STXBP5L: variants seen among roughly 807,000 people sequenced by gnomAD.
STXBP5L encodes the protein syntaxin binding protein 5L, also known as syntaxin-binding protein 5-like.
In STXBP5L, 65 loss-of-function variants were observed where a neutral mutation model predicts 144.5. The ratio of observed to expected loss-of-function variants is 0.45; its 90% CI spans 0.37 to 0.55. STXBP5L has a LOEUF of 0.55. STXBP5L is among the 20% of genes least tolerant of loss of function. The pLI is 0.00. For synonymous variants in STXBP5L, 505 were observed against 469.6 expected (o/e 1.08, Z -0.97); for missense variants, 1,298 against 1,405.5 (o/e 0.92, Z 1.22).
At position 120,909,719 on chromosome 3, in the gene STXBP5L, A is replaced by G; in HGVS notation, c.141A>G (p.Arg47=). ...VHPAGTAGVL[R]EEIQETLTSE... is the part of the protein sequence containing the mutation. ...CGGCGGGGACTGCAGGGGTTCTCAG[A>G]GAGGAAATTCAGGAAACTTTGACTT... Residue 47 remains arginine (R), a synonymous_variant, in exon 2 of 27, where the codon AGA becomes AGG. Coordinates refer to ENST00000471454, the MANE Select transcript of STXBP5L (RefSeq NM_001308330.2). The G allele has an allele frequency of 1.9e-6, 3 of 1,611,996 alleles. No homozygotes were observed. The East Asian group carries it at 6.7e-5, about 36-fold the overall frequency.
intron 3 of STXBP5L, 75 bp from the exon 4 acceptor site, chr3:121,041,625 C>A: frequency 1.8e-6 from 2 of 1,091,868 alleles, no homozygotes; most frequent in South Asian, 1.3e-5. Context: ...ATCTGTTGAT[C>A]AATAAGTTAG....
chr3:121,042,327 C>T (rs1947217038), intron 4 of STXBP5L, among the ~76,000 whole-genome samples: 2 of 152,134 alleles, frequency 1.3e-5, no homozygotes, highest in Non-Finnish European at 2.9e-5. Context: ...TGATGAGGAA[C>T]TCTCTAAAAA....
At chr3:121,129,644 G>A (rs954870525) in intron 7 of STXBP5L, among the ~76,000 whole-genome samples, 5 of 152,072 alleles carry the variant, frequency 3.3e-5, no homozygotes, top group Non-Finnish European at 5.9e-5. Context: ...AAGGACTGCA[G>A]TGTAAATTCA....
At chr3:121,335,946 G>T (rs758899506) in intron 20 of STXBP5L, among the ~76,000 whole-genome samples, 1 of 152,152 alleles carries the variant, frequency 6.6e-6, no homozygotes, top group Non-Finnish European at 1.5e-5. Context: ...AAGAGCTTCT[G>T]CACAGCAAAA....
At chr3:121,018,671 G>A (rs1576676062) in intron 3 of STXBP5L, among the ~76,000 whole-genome samples, 1 of 152,072 alleles carries the variant, frequency 6.6e-6, no homozygotes, top group African/African-American at 2.4e-5. Context: ...TGTGGCTTTT[G>A]TAATAGCTTT....
intron 18 of STXBP5L, among the ~76,000 whole-genome samples, chr3:121,277,613 T>C (rs866965185): frequency 2.6e-5 from 4 of 152,026 alleles, no homozygotes; most frequent in Admixed American, 6.6e-5. Context: ...TTTCTGGATA[T>C]GTTTCTATTG....
At chr3:121,413,629 G>A (rs556621447) in intron 24 of STXBP5L, among the ~76,000 whole-genome samples, 2 of 152,212 alleles carry the variant, frequency 1.3e-5, no homozygotes, top group South Asian at 4.1e-4. Context: ...CCCTCAGGGT[G>A]GAAAATATGT....
chr3:121,084,975 C>A (rs1560107726), intron 5 of STXBP5L, among the ~76,000 whole-genome samples: 2 of 150,952 alleles, frequency 1.3e-5, no homozygotes, highest in African/African-American at 4.9e-5. Context: ...ATGATGTTGA[C>A]TTTTTTTTTC....
chr3:121,228,184 A>C (rs1260433205), intron 11 of STXBP5L, among the ~76,000 whole-genome samples: 1 of 152,206 alleles, frequency 6.6e-6, no homozygotes, highest in Non-Finnish European at 1.5e-5. Flanking sequence ...GGATGTAAAA[A>C]CCTTAACCCT....
intron 3 of STXBP5L, among the ~76,000 whole-genome samples, chr3:121,036,809 T>C (rs1403742398): frequency 8.0e-6 from 1 of 124,334 alleles, no homozygotes; most frequent in Non-Finnish European, 1.6e-5. Flanking sequence ...CTCTAAGTTT[T>C]AGGGTACATG....
chr3:121,259,541 A>G (rs1343038626), intron 18 of STXBP5L, among the ~76,000 whole-genome samples: 1 of 152,086 alleles, frequency 6.6e-6, no homozygotes, highest in African/African-American at 2.4e-5. Context: ...TGGTAGATCC[A>G]CCTATGGAGT....
At chr3:121,095,416 G>A (rs7633404) in intron 5 of STXBP5L, among the ~76,000 whole-genome samples, 21,028 of 152,154 alleles carry the variant, frequency 0.14, 1,630 homozygotes, top group South Asian at 0.27. Flanking sequence ...GTCACTTTCA[G>A]TTACACCAAT....
In STXBP5L at chr3:121,303,502, A is replaced by T. The variant is rs1193173371; in HGVS notation, c.2111-14973A>T. ...TCAGGGATCTAGAACTAGAAATACC[A>T]TTTGACCCAGCCATCCCATTACTGG... On this transcript the variant is annotated intron_variant, in intron 19 of 26. Transcript: ENST00000471454. Among the ~76,000 whole-genome samples the T allele has an allele frequency of 3.7e-4, 56 of 152,272 alleles. 1 individual carries two copies. Among genetic ancestry groups the T allele is most frequent in the Admixed American group, 2.3e-3 (35 of 15,276 alleles).
intron 9 of STXBP5L, among the ~76,000 whole-genome samples, chr3:121,189,642 A>G (rs1353011589): frequency 1.3e-5 from 2 of 152,176 alleles, no homozygotes; most frequent in Non-Finnish European, 2.9e-5. Context: ...GTATAGTTTG[A>G]AGTCAGGTAG....
At chr3:121,272,899 C>T (rs571962530) in intron 18 of STXBP5L, among the ~76,000 whole-genome samples, 10 of 151,960 alleles carry the variant, frequency 6.6e-5, no homozygotes, top group Non-Finnish European at 1.5e-4. Context: ...ACCATTTTAC[C>T]TGTCACTCTC....
chr3:120,977,958 G>C (rs1341829064), intron 3 of STXBP5L, among the ~76,000 whole-genome samples: 5 of 152,114 alleles, frequency 3.3e-5, no homozygotes, highest in East Asian at 1.9e-4. Flanking sequence ...CCCGACCTTT[G>C]TCTCTGGCTG....
At chr3:121,090,029 T>C (rs1011097861) in intron 5 of STXBP5L, among the ~76,000 whole-genome samples, 3 of 152,184 alleles carry the variant, frequency 2.0e-5, no homozygotes, top group Non-Finnish European at 4.4e-5. Flanking sequence ...AAATATTTGT[T>C]AGCAAATTCT....
intron 20 of STXBP5L, among the ~76,000 whole-genome samples, chr3:121,351,467 C>T (rs956026492): frequency 6.6e-6 from 1 of 152,154 alleles, no homozygotes; most frequent in Non-Finnish European, 1.5e-5. Context: ...GCTGGGAGAA[C>T]GACTACTCTC....
intron 2 of STXBP5L, among the ~76,000 whole-genome samples, chr3:120,910,559 A>G (rs1708777533): frequency 6.6e-6 from 1 of 152,154 alleles, no homozygotes. Context: ...ATTATATGCA[A>G]CAAAGGCTAC....
Sources: gnomAD v4.1 joint callset for allele counts (sites outside exome capture counted in the v4.1 genomes callset) on GRCh38, gnomAD v4.1.1 for gene constraint, MANE v1.5 for transcripts, NCBI Gene and HGNC (gene_info 2026-07-23, HGNC 2026-07-21) for gene names.